The following TTF2 variants were observed in gnomAD, a reference collection of about 807,000 sequenced individuals.
The protein encoded by TTF2 is RNA polymerase II termination factor.
In TTF2, 108 loss-of-function variants were observed where a neutral mutation model predicts 142.4. The observed-to-expected ratio is 0.76, with a 90% CI of 0.65 to 0.89. TTF2 has a LOEUF of 0.89. Ranked by LOEUF, TTF2 falls within the 40% of genes least tolerant of loss-of-function variation. TTF2 has a pLI of 0.00. For synonymous variants in TTF2, 483 were observed against 506.2 expected (o/e 0.95, Z 0.61); for missense variants, 1,327 against 1,379.8 (o/e 0.96, Z 0.61).
At position 117,096,206 on chromosome 1, in the gene TTF2, G is replaced by C. The variant is rs1323922813; in HGVS notation, c.3093G>C (p.Lys1031Asn). Residue 1031 changes from lysine (K) to asparagine (N), a missense_variant, in exon 20 of 23, where the codon AAG becomes AAC. Coordinates refer to ENST00000369466, the MANE Select transcript of TTF2 (RefSeq NM_003594.4). The stretch of plus-strand genomic sequence containing the variant: ...AAGTTGTAGCATTGCACCTGAAGAA[G>C]CATGGACTGACTTATGCCACCATCG... Reference protein sequence around the residue: ...MLKVVALHLKKHGLTYATIDG... With the variant: ...MLKVVALHLKNHGLTYATIDG... 1.2e-6 allele frequency: 2 copies of C among 1,614,004 alleles called. No individual in the cohort carries two copies. The highest frequency in any genetic ancestry group is 2.7e-5 in the African/African-American group (2 of 74,888).
In TTF2 at chr1:117,104,006, C is replaced by G. The variant is rs1265252962; in HGVS notation, c.*2482C>G. 6.6e-6 allele frequency: 1 copy of G among 151,180 alleles called. No homozygotes were observed. The highest frequency in any genetic ancestry group is 6.6e-5 in the Admixed American group (1 of 15,170). 9.4% of individuals were successfully genotyped at this position (151,180 alleles called of 1,614,324 possible). The stretch of plus-strand genomic sequence containing the variant: ...AAAAAATCCTTACTTTCTCTACACT[C>G]TGATTTCCTCATTTGTAAGGTGGGC... On this transcript the variant is annotated 3_prime_UTR_variant, in exon 23 of 23. Transcript: ENST00000369466.
In TTF2 at chr1:117,075,963, G is replaced by T; in HGVS notation, c.1275+104G>T. On this transcript the variant is annotated intron_variant, in intron 5 of 22. Coordinates refer to ENST00000369466, the MANE Select transcript of TTF2 (RefSeq NM_003594.4). This position sits in a 1 kb window ranked among gnomAD's most constrained non-coding sequence, Gnocchi z 4.5. ...AAGGGTTAAATATGTTCATGTGAAG[G>T]TTTTATAGGTGCATGTTCAGTTTCT... 1 of 1,454,932 alleles carries T rather than the reference G, an allele frequency of 6.9e-7. No individual in the cohort carries two copies. Among genetic ancestry groups the T allele is most frequent in the Non-Finnish European group, 9.1e-7 (1 of 1,093,862 alleles). The allele number at this position is 1,454,932 out of a possible 1,614,324, so 90.1% of individuals were successfully genotyped here.
At position 117,076,731 on chromosome 1, in the gene TTF2, C is replaced by T; in HGVS notation, c.1481C>T (p.Pro494Leu). Residue 494 changes from proline (P) to leucine (L), a missense_variant, in exon 7 of 23, where the codon CCC becomes CTC. Coordinates refer to ENST00000369466, the MANE Select transcript of TTF2 (RefSeq NM_003594.4). The surrounding 1 kb of genome is among the most constrained non-coding windows in gnomAD (Gnocchi z 4.6). ...TGPPHLVPPQPLPRRGTQPVG... is the reference protein window; with the variant it reads ...TGPPHLVPPQLLPRRGTQPVG... ...CCTCCCCACCTGGTGCCTCCCCAACCCCTTCCTCGTCGTGGTACCCAACCT... is the reference window on the plus strand; with the variant it reads ...CCTCCCCACCTGGTGCCTCCCCAACTCCTTCCTCGTCGTGGTACCCAACCT... 6.2e-7 allele frequency: 1 copy of T among 1,614,186 alleles called. No homozygotes were observed. The highest frequency in any genetic ancestry group is 8.5e-7 in the Non-Finnish European group (1 of 1,180,020).
chr1:117,087,796 G>C lies in TTF2; in HGVS notation c.2161-1005G>C, dbSNP rs1317393373. 6.6e-6 allele frequency among the ~76,000 whole-genome samples: 1 copy of C among 152,134 alleles called. No homozygotes were observed. The highest frequency in any genetic ancestry group is 1.5e-5 in the Non-Finnish European group (1 of 68,020). On this transcript the variant is annotated intron_variant, in intron 12 of 22. Transcript: ENST00000369466. The surrounding 1 kb of genome is among the most constrained non-coding windows in gnomAD (Gnocchi z 4.8). ...CTCCCAGGTTAATTTTTTTAAACCTGCTTCAAGAATCTTTTCTGGACCACT... is the reference window on the plus strand; with the variant it reads ...CTCCCAGGTTAATTTTTTTAAACCTCCTTCAAGAATCTTTTCTGGACCACT...
Position 117,075,987 on chromosome 1 carries a change from C to T in TTF2, c.1275+128C>T. 1 of 1,387,478 alleles carries T rather than the reference C, an allele frequency of 7.2e-7. No homozygotes were observed. Among genetic ancestry groups the T allele is most frequent in the Non-Finnish European group, 9.6e-7 (1 of 1,041,788 alleles). The allele number at this position is 1,387,478 out of a possible 1,614,324, so 85.9% of individuals were successfully genotyped here. On this transcript the variant is annotated intron_variant, in intron 5 of 22. Coordinates refer to ENST00000369466, the MANE Select transcript of TTF2 (RefSeq NM_003594.4). This position sits in a 1 kb window ranked among gnomAD's most constrained non-coding sequence, Gnocchi z 4.5. ...GGTTTTATAGGTGCATGTTCAGTTTCTGCCTTTTCCCCTATTTATATTTTC... is the reference window on the plus strand; with the variant it reads ...GGTTTTATAGGTGCATGTTCAGTTTTTGCCTTTTCCCCTATTTATATTTTC...
In TTF2 at chr1:117,060,517, G is replaced by A. The variant is rs372801051; in HGVS notation, c.91G>A (p.Val31Met). Reference sequence around the variant, plus strand: ...CCCGAATAAAGGAAAGAGCTTCTACGTGTGCCGGGCAGACACGTGCAGCTT... The same window carrying A: ...CCCGAATAAAGGAAAGAGCTTCTACATGTGCCGGGCAGACACGTGCAGCTT... ...DGPNKGKSFY[V>M]CRADTCSFVR... The change falls in exon 2 of 23, where the codon GTG becomes ATG. Residue 31 changes from valine (V) to methionine (M), a missense_variant. By Grantham distance (21) the Val-to-Met change is conservative. Transcript: ENST00000369466. 1.2e-6 allele frequency: 2 copies of A among 1,613,996 alleles called. No homozygotes were observed. Among genetic ancestry groups the A allele is most frequent in the Non-Finnish European group, 1.7e-6 (2 of 1,179,898 alleles).
chr1:117,070,424 T>C lies in TTF2; in HGVS notation c.219-3237T>C, dbSNP rs114728645. ...TGTAACACAGTGCTAAGTATTTGTATATCTAAACAAAGAAAATGTACAGTA... is the reference window on the plus strand; with the variant it reads ...TGTAACACAGTGCTAAGTATTTGTACATCTAAACAAAGAAAATGTACAGTA... On this transcript the variant is annotated intron_variant, in intron 3 of 22. Coordinates refer to ENST00000369466, the MANE Select transcript of TTF2 (RefSeq NM_003594.4). The surrounding 1 kb of genome is among the most constrained non-coding windows in gnomAD (Gnocchi z 4.2). 3.2e-3 allele frequency among the ~76,000 whole-genome samples: 487 copies of C among 152,368 alleles called. 3 individuals carry two copies. Among genetic ancestry groups the C allele is most frequent in the Non-Finnish European group, 4.7e-3 (321 of 68,040 alleles).
At chr1:117,083,297 C>G (rs1176093541) in intron 10 of TTF2, among the ~76,000 whole-genome samples, 2 of 151,046 alleles carry the variant, frequency 1.3e-5, no homozygotes, top group Admixed American at 1.3e-4. Context: ...CTCTAATGAG[C>G]ACTGTTGCAG....
At chr1:117,060,772 C>T (rs573422364) in intron 2 of TTF2, among the ~76,000 whole-genome samples, 5 of 152,320 alleles carry the variant, frequency 3.3e-5, no homozygotes, top group Admixed American at 6.5e-5. Context: ...GCTGGTTACC[C>T]CCCTCTCTGG....
chr1:117,102,041 C>T lies in TTF2; in HGVS notation c.*517C>T. On this transcript the variant is annotated 3_prime_UTR_variant, in exon 23 of 23. Coordinates refer to ENST00000369466, the MANE Select transcript of TTF2 (RefSeq NM_003594.4). ...CCTGTAGTCCTAGCTACTTGGGAGG[C>T]TGAGGCAGGAGGATCCCTTGAGTCC... 1 of 152,788 alleles carries T rather than the reference C, an allele frequency of 6.5e-6. No individual in the cohort carries two copies. Among genetic ancestry groups the T allele is most frequent in the Non-Finnish European group, 1.5e-5 (1 of 68,438 alleles). 9.5% of individuals were successfully genotyped at this position (152,788 alleles called of 1,614,324 possible). A position where few individuals can be genotyped will look rare whatever the true frequency, so the allele number is the denominator to read the frequency against.
At position 117,097,569 on chromosome 1, in the gene TTF2, T is replaced by A; in HGVS notation, c.3269+136T>A. The stretch of plus-strand genomic sequence containing the variant: ...AGATGCCTTGCTTTGTATGTGTCTA[T>A]AGATACAGATCTAAGCAGGGTATAG... On this transcript the variant is annotated intron_variant, in intron 21 of 22. Transcript: ENST00000369466. This position sits in a 1 kb window ranked among gnomAD's most constrained non-coding sequence, Gnocchi z 4.1. 2.4e-6 allele frequency: 2 copies of A among 819,786 alleles called. No individual in the cohort carries two copies. The highest frequency in any genetic ancestry group is 3.1e-5 in the South Asian group (2 of 65,498). The allele number at this position is 819,786 out of a possible 1,614,324, so 50.8% of individuals were successfully genotyped here.
Position 117,100,080 on chromosome 1 carries a change from A to G in TTF2, c.3344+1173A>G, listed in dbSNP as rs544781790. ...CCTTCTTTTATTCATTGTTCTTTTG[A>G]GCATTCAGCCCATAAAACATACCTT... is the stretch of plus-strand genomic sequence containing the variant. On this transcript the variant is annotated intron_variant, in intron 22 of 22. Transcript: ENST00000369466. This position sits in a 1 kb window ranked among gnomAD's most constrained non-coding sequence, Gnocchi z 4.6. Among the ~76,000 whole-genome samples the G allele has an allele frequency of 5.6e-4, 85 of 152,284 alleles. No homozygotes were observed. Among genetic ancestry groups the G allele is most frequent in the African/African-American group, 1.8e-3 (75 of 41,558 alleles).
At position 117,097,402 on chromosome 1, in the gene TTF2, G is replaced by A; in HGVS notation, c.3238G>A (p.Gly1080Arg). The change falls in exon 21 of 23, where the codon GGA becomes AGA. Residue 1080 changes from glycine (G) to arginine (R), a missense_variant. Physicochemically the swap from Gly to Arg is moderately radical, Grantham distance 125. Transcript: ENST00000369466. This position sits in a 1 kb window ranked among gnomAD's most constrained non-coding sequence, Gnocchi z 4.1. ...AGGVGLNLTG[G>R]NHLFLLDMHW... ...AGGTGTTGGTCTAAACCTGACTGGAGGAAATCACCTCTTTCTTTTGGACAT... is the reference window on the plus strand; with the variant it reads ...AGGTGTTGGTCTAAACCTGACTGGAAGAAATCACCTCTTTCTTTTGGACAT... The A allele has an allele frequency of 6.2e-7, 1 of 1,614,142 alleles. No individual in the cohort carries two copies. The highest frequency in any genetic ancestry group is 8.5e-7 in the Non-Finnish European group (1 of 1,180,014).
Position 117,093,540 on chromosome 1 carries a change from T to C in TTF2, c.2976+639T>C, listed in dbSNP as rs945294836. On this transcript the variant is annotated intron_variant, in intron 18 of 22. Transcript: ENST00000369466. This position sits in a 1 kb window ranked among gnomAD's most constrained non-coding sequence, Gnocchi z 4.5. ...GCATCTCAAGCTGCCGTTCTTGGGC[T>C]CAACCTCTCTTCAAAGGCTTTTTTT... Among the ~76,000 whole-genome samples, 3 of 152,222 alleles carry C rather than the reference T, an allele frequency of 2.0e-5. No individual in the cohort carries two copies. The highest frequency in any genetic ancestry group is 2.9e-5 in the Non-Finnish European group (2 of 68,040).
chr1:117,091,754 G>C lies in TTF2; in HGVS notation c.2672-63G>C. On this transcript the variant is annotated intron_variant, in intron 16 of 22. Coordinates refer to ENST00000369466, the MANE Select transcript of TTF2 (RefSeq NM_003594.4). ...TTAAAGTAGCCCCATGTAGTTCCTG[G>C]CTCTCTCCGTATTTCTCTTTTAAAT... 4.5e-6 allele frequency: 7 copies of C among 1,564,722 alleles called. 1 individual carries two copies. The highest frequency in any genetic ancestry group is 5.2e-6 in the Non-Finnish European group (6 of 1,151,046).
At chr1:117,094,681 C>A in intron 18 of TTF2, 1 of 484,098 alleles carries the variant, frequency 2.1e-6, no homozygotes, top group Non-Finnish European at 4.3e-6. Flanking sequence ...CATGTGTGTA[C>A]TCACAGCCCC....
rs1392076143 is a variant in TTF2 at position 117,073,399 on chromosome 1, C to T, written c.219-262C>T. Among the ~76,000 whole-genome samples the T allele has an allele frequency of 3.3e-5, 5 of 152,166 alleles. No homozygotes were observed. The highest frequency in any genetic ancestry group is 7.3e-5 in the Non-Finnish European group (5 of 68,036). ...TGCTGATCAGTGTTTCTATTTCAGT[C>T]ATTCGTTACAGACTAAAAAGAATAA... On this transcript the variant is annotated intron_variant, in intron 3 of 22. Coordinates refer to ENST00000369466, the MANE Select transcript of TTF2 (RefSeq NM_003594.4). The surrounding 1 kb of genome is among the most constrained non-coding windows in gnomAD (Gnocchi z 4.4).
At position 117,097,273 on chromosome 1, in the gene TTF2, T is replaced by C. The variant is rs1004647412; in HGVS notation, c.3187-78T>C. ...GGAACACAGTGCTTATCTGTATTGA[T>C]TGTGGACTTAAACCTGAGACCGAGA... On this transcript the variant is annotated intron_variant, in intron 20 of 22. Coordinates refer to ENST00000369466, the MANE Select transcript of TTF2 (RefSeq NM_003594.4). The surrounding 1 kb of genome is among the most constrained non-coding windows in gnomAD (Gnocchi z 4.1). 7.2e-6 allele frequency: 9 copies of C among 1,247,176 alleles called. No individual in the cohort carries two copies. The highest frequency in any genetic ancestry group is 3.4e-5 in the Admixed American group (2 of 59,394). 77.3% of individuals were successfully genotyped at this position (1,247,176 alleles called of 1,614,324 possible). A position where few individuals can be genotyped will look rare whatever the true frequency, so the allele number is the denominator to read the frequency against.
intron 13 of TTF2, among the ~76,000 whole-genome samples, chr1:117,089,250 C>CTATATATATATATAT (rs1557824248): frequency 9.4e-5 from 8 of 85,164 alleles, no homozygotes; most frequent in African/African-American, 2.0e-4. Context: ...AAAATATATG[C>CTATATATATATATAT]AAATATATGC....
Sources: gnomAD v4.1 joint callset for allele counts (sites outside exome capture counted in the v4.1 genomes callset) on GRCh38, gnomAD v4.1.1 for gene constraint, Gnocchi (gnomAD v3.1) non-coding constraint, MANE v1.5 for transcripts, NCBI Gene and HGNC (gene_info 2026-07-23, HGNC 2026-07-21) for gene names.